Variants in DAB1 observed in about 807,000 individuals in gnomAD.
DAB1 encodes DAB adaptor protein 1.
Under a neutral mutation model 64.6 loss-of-function variants are expected in DAB1, and 15 were observed. The ratio of observed to expected loss-of-function variants is 0.23; its 90% confidence interval spans 0.16 to 0.36. DAB1 has a LOEUF of 0.36. Ranked by LOEUF, DAB1 falls within the 10% of genes least tolerant of loss-of-function variation. The pLI is 1.00. For synonymous variants in DAB1, 235 were observed against 251.9 expected, an observed-to-expected ratio of 0.93 and a Z score of 0.64; for missense variants, 596 against 706.7, an observed-to-expected ratio of 0.84 and a Z score of 1.78.
intron 13 of DAB1, 31 bp from the exon 14 acceptor site, chr1:57,010,821 T>TC: frequency 6.8e-7 from 1 of 1,473,468 alleles, no homozygotes; most frequent in Non-Finnish European, 9.2e-7. Context: ...ACTTTTTTTT[T>TC]TCTCTCTTTT....
At chr1:57,931,818 C>A (rs1192436898) in intron 5 of DAB1, among the ~76,000 whole-genome samples, 1 of 151,954 alleles carries the variant, frequency 6.6e-6, no homozygotes, top group African/African-American at 2.4e-5. Context: ...GGTTGATTTT[C>A]TCTATTAATT....
At chr1:58,136,157 C>T (rs147249668) in intron 5 of DAB1, among the ~76,000 whole-genome samples, 1 of 152,324 alleles carries the variant, frequency 6.6e-6, no homozygotes, top group African/African-American at 2.4e-5. Context: ...AGCAGGTCAT[C>T]TGAAACTAAA....
At chr1:57,563,840 C>A (rs1215848449) in intron 7 of DAB1, among the ~76,000 whole-genome samples, 1 of 152,228 alleles carries the variant, frequency 6.6e-6, no homozygotes, top group Non-Finnish European at 1.5e-5. Context: ...GCCTGCCTGC[C>A]TCTGTAGACT....
chr1:58,000,156 T>C (rs1646484911), intron 5 of DAB1, among the ~76,000 whole-genome samples: 1 of 152,144 alleles, frequency 6.6e-6, no homozygotes, highest in South Asian at 2.1e-4. Flanking sequence ...AATGGCCCTT[T>C]AAAAATAATT....
At chr1:57,306,844 T>C (rs1230617314) in intron 1 of DAB1, 1 of 152,176 alleles carries the variant, frequency 6.6e-6, no homozygotes, top group African/African-American at 2.4e-5. Flanking sequence ...TGATATTATG[T>C]GAGTGCAATC....
chr1:57,442,022 A>T (rs10465838), intron 7 of DAB1, among the ~76,000 whole-genome samples: 53,795 of 151,994 alleles, frequency 0.35, 10,203 homozygotes, highest in African/African-American at 0.5. Flanking sequence ...TGATTTGCAT[A>T]TCTCTAATGA....
At chr1:57,267,896 G>A (rs1425429833) in intron 2 of DAB1, among the ~76,000 whole-genome samples, 1 of 152,188 alleles carries the variant, frequency 6.6e-6, no homozygotes, top group Non-Finnish European at 1.5e-5. Context: ...TGCTATGAGA[G>A]CGGAGAGTGG....
chr1:57,089,245 T>C (rs1653397119), intron 4 of DAB1, among the ~76,000 whole-genome samples: 4 of 152,212 alleles, frequency 2.6e-5, no homozygotes, highest in Admixed American at 2.6e-4. Context: ...ACTTCTCTGT[T>C]TATGTACAAT....
intron 7 of DAB1, among the ~76,000 whole-genome samples, chr1:57,491,384 C>T (rs1443479807): frequency 2.0e-5 from 3 of 151,882 alleles, no homozygotes; most frequent in Non-Finnish European, 4.4e-5. Flanking sequence ...GCCGAGATTG[C>T]GCCACTGCAC....
chr1:57,420,979 C>CAA (rs1201964355), intron 1 of DAB1, among the ~76,000 whole-genome samples: 4 of 152,158 alleles, frequency 2.6e-5, no homozygotes, highest in Admixed American at 6.5e-5. Context: ...TAAATCCCAG[C>CAA]AAAAACAAAA....
chr1:57,004,935 C>T (rs1379820738), intron 14 of DAB1, among the ~76,000 whole-genome samples: 1 of 152,098 alleles, frequency 6.6e-6, no homozygotes, highest in Non-Finnish European at 1.5e-5. Context: ...CAAGTGAGCT[C>T]GTATAACATG....
At chr1:57,655,754 A>C (rs1014148516) in intron 6 of DAB1, among the ~76,000 whole-genome samples, 2 of 152,238 alleles carry the variant, frequency 1.3e-5, no homozygotes. Flanking sequence ...TGGAACAAAA[A>C]GTAACTTTTG....
chr1:58,225,196 A>C (rs4382744), intron 4 of DAB1, among the ~76,000 whole-genome samples: 45,909 of 150,536 alleles, frequency 0.3, 7,261 homozygotes, highest in East Asian at 0.45. Flanking sequence ...ATGCAGCCAA[A>C]AGACACATGA....
At chr1:57,509,174 C>A (rs1644380631) in intron 7 of DAB1, among the ~76,000 whole-genome samples, 1 of 152,150 alleles carries the variant, frequency 6.6e-6, no homozygotes, top group Admixed American at 6.5e-5. Flanking sequence ...CCTCAGCTTT[C>A]TCATCGCTAA....
chr1:57,514,911 T>C (rs1322615283), intron 7 of DAB1, among the ~76,000 whole-genome samples: 2 of 152,230 alleles, frequency 1.3e-5, no homozygotes, highest in African/African-American at 4.8e-5. Context: ...AGTAATTATG[T>C]ACAAGGTATT....
intron 4 of DAB1, among the ~76,000 whole-genome samples, chr1:57,109,609 T>A (rs184496924): frequency 6.6e-6 from 1 of 152,302 alleles, no homozygotes; most frequent in Admixed American, 6.5e-5. Context: ...ATTTTATGAA[T>A]ATAGTTTGTA....
At chr1:57,269,131 G>T (rs1230584393) in intron 2 of DAB1, among the ~76,000 whole-genome samples, 1 of 152,092 alleles carries the variant, frequency 6.6e-6, no homozygotes, top group East Asian at 1.9e-4. Context: ...AAGTGGAGAG[G>T]TAGAAGTGCT....
intron 1 of DAB1, among the ~76,000 whole-genome samples, chr1:57,851,610 G>A (rs1653528778): frequency 6.6e-6 from 1 of 152,158 alleles, no homozygotes; most frequent in African/African-American, 2.4e-5. Flanking sequence ...CTCTGCCTTT[G>A]CTCCTGCAAG....
chr1:58,329,837 T>C (rs1662928768), intron 4 of DAB1, among the ~76,000 whole-genome samples: 1 of 152,234 alleles, frequency 6.6e-6, no homozygotes, highest in South Asian at 2.1e-4. Context: ...TAAATATGCG[T>C]ATTCTGACTG....
Sources: allele counts gnomAD v4.1 joint callset (sites outside exome capture counted in the v4.1 genomes callset), GRCh38; gene constraint gnomAD v4.1.1; transcripts MANE v1.5; gene names NCBI Gene and HGNC (gene_info 2026-07-23, HGNC 2026-07-21).